The following PTOV1 variants were observed in gnomAD, a reference collection of about 807,000 sequenced individuals.
PTOV1 encodes prostate tumor-overexpressed gene 1 protein.
In PTOV1, 20 loss-of-function variants were observed where a neutral mutation model predicts 58.0. The ratio of observed to expected loss-of-function variants is 0.34; its 90% confidence interval spans 0.24 to 0.50. PTOV1 has a LOEUF of 0.50. PTOV1 is among the 20% of genes least tolerant of loss of function. PTOV1 has a pLI of 0.98. For synonymous variants in PTOV1, 335 were observed against 234.2 expected (o/e 1.43, Z -3.93); for missense variants, 593 against 565.4 (o/e 1.05, Z -0.50).
At chr19:49,856,254 C>A (rs147256337) in intron 5 of PTOV1, 2 of 152,166 alleles carry the variant, frequency 1.3e-5, no homozygotes, top group African/African-American at 4.8e-5. Context: ...CAGGCATGGC[C>A]CTGGGAGGCT....
At chr19:49,851,528 T>G in intron 1 of PTOV1, 29 bp downstream of exon 1, 3 of 1,086,932 alleles carry the variant, frequency 2.8e-6, no homozygotes, top group Admixed American at 4.8e-5. Context: ...TTCCAGAGCC[T>G]TCCACGGCCC....
chr19:49,851,761 C>G lies in PTOV1; in HGVS notation c.171+262C>G, dbSNP rs979778608. 1.2e-5 allele frequency: 13 copies of G among 1,086,586 alleles called. 1 individual carries two copies. In the East Asian group the frequency reaches 2.3e-4, roughly 19 times the overall value. 67.3% of individuals were successfully genotyped at this position (1,086,586 alleles called of 1,614,324 possible). A position where few individuals can be genotyped will look rare whatever the true frequency, so the allele number is the denominator to read the frequency against. ...TCATATTACTGCTGACTCCGCGGCC[C>G]GATTTAAACGCGGGCTGGGGGCGGC... On this transcript the variant is annotated intron_variant, in intron 1 of 11. Transcript: ENST00000391842.
intron 1 of PTOV1, among the ~76,000 whole-genome samples, chr19:49,853,797 C>T (rs1192350781): frequency 1.3e-5 from 2 of 152,326 alleles, no homozygotes; most frequent in South Asian, 2.1e-4. Flanking sequence ...CTGTCTTTCT[C>T]CTGGATGGTT....
intron 10 of PTOV1, 165 bp downstream of exon 10, chr19:49,858,818 C>T (rs1255488991): frequency 3.2e-6 from 2 of 618,138 alleles, no homozygotes; most frequent in African/African-American, 1.8e-5. Context: ...TGTGCTGTCC[C>T]CACGGCACTG....
chr19:49,852,871 T>C (rs1163474566), intron 1 of PTOV1: 1 of 152,182 alleles, frequency 6.6e-6, no homozygotes, highest in Non-Finnish European at 1.5e-5. Context: ...TACCCTCATC[T>C]CGAAAGTCAC....
At chr19:49,851,012 G>A (rs2074217482), upstream of PTOV1, 6 of 1,532,508 alleles carry the variant, frequency 3.9e-6, no homozygotes, top group Admixed American at 3.9e-5. Flanking sequence ...CGTCTTCCCA[G>A]GACTCCCCCG....
upstream of PTOV1, chr19:49,851,137 G>C: frequency 1.5e-6 from 2 of 1,323,190 alleles, no homozygotes; most frequent in Non-Finnish European, 1.9e-6. Flanking sequence ...CTTGGTACGC[G>C]CCGGGCTCCC....
At position 49,855,238 on chromosome 19, in the gene PTOV1, C is replaced by T. The variant is rs1366325227; in HGVS notation, c.558+161C>T. On this transcript the variant is annotated intron_variant, in intron 5 of 11. Transcript: ENST00000391842. ...ATCTGGAAATGACTGACTCCAGGCA[C>T]CCTCCGTAGAGCACAGGGTGAAGGA... The T allele has an allele frequency of 6.8e-5, 45 of 666,498 alleles. No homozygotes were observed. In the East Asian group the frequency reaches 1.2e-3, roughly 17 times the overall value. 41.3% of individuals were successfully genotyped at this position (666,498 alleles called of 1,614,324 possible). A position where few individuals can be genotyped will look rare whatever the true frequency, so the allele number is the denominator to read the frequency against.
At chr19:49,859,915 A>G in intron 10 of PTOV1, 71 bp from the exon 11 acceptor site, 1 of 1,536,248 alleles carries the variant, frequency 6.5e-7, no homozygotes, top group Admixed American at 1.7e-5. Flanking sequence ...AGCCCACGGC[A>G]TGATGCCGTG....
chr19:49,853,682 C>G (rs2074348323), intron 1 of PTOV1, among the ~76,000 whole-genome samples: 1 of 152,060 alleles, frequency 6.6e-6, no homozygotes, highest in African/African-American at 2.4e-5. Flanking sequence ...CGTTGCTTGG[C>G]TTTATTGCTA....
chr19:49,858,672 C>CGCAGGGGAGGG lies in PTOV1; in HGVS notation c.1041+22_1041+32dup. ...TGGCTTCGTGAGTGGTGCCAGCAGA[C>CGCAGGGGAGGG]GCAGGGGAGGGGCCGGCCAGGGCAG... On this transcript the variant is annotated intron_variant, in intron 10 of 11. Coordinates refer to ENST00000391842, the Ensembl canonical transcript of PTOV1. 6.4e-7 allele frequency: 1 copy of CGCAGGGGAGGG among 1,571,618 alleles called. No homozygotes were observed. The highest frequency in any genetic ancestry group is 1.2e-5 in the South Asian group (1 of 86,744).
At chr19:49,860,205 G>A (rs960993293) in intron 11 of PTOV1, 22 bp downstream of exon 11, 6 of 1,613,860 alleles carry the variant, frequency 3.7e-6, no homozygotes, top group Non-Finnish European at 5.1e-6. Flanking sequence ...GGCCTCCAGG[G>A]CTGCTCAGTC....
Position 49,854,894 on chromosome 19 carries a change from A to ACCCCCCCCCCCCCC in PTOV1, c.450+9_450+10insCCCCCCCCCCCCCC. ...TGATCCCTCAGCAGCTGCTGGTGAG[A>ACCCCCCCCCCCCCC]CCCGCCCCTCCCACCCCATCCACTC... is the stretch of plus-strand genomic sequence containing the variant. On this transcript the variant is annotated splice_region_variant and intron_variant, in intron 4 of 11. Coordinates refer to ENST00000391842, the Ensembl canonical transcript of PTOV1. 1.3e-6 allele frequency: 2 copies of ACCCCCCCCCCCCCC among 1,559,974 alleles called. No homozygotes were observed. Among genetic ancestry groups the ACCCCCCCCCCCCCC allele is most frequent in the Non-Finnish European group, 8.8e-7 (1 of 1,138,072 alleles).
chr19:49,857,680 T>A lies in PTOV1; in HGVS notation c.715-13T>A. On this transcript the variant is annotated splice_polypyrimidine_tract_variant and intron_variant, in intron 6 of 11. Coordinates refer to ENST00000391842, the Ensembl canonical transcript of PTOV1. ...GCCTGGGCCCCTCTTCCCACCCCGT[T>A]CCCTTCCAACAGGCAGTGGGACCTG... 6.2e-7 allele frequency: 1 copy of A among 1,612,946 alleles called. No individual in the cohort carries two copies. The highest frequency in any genetic ancestry group is 8.5e-7 in the Non-Finnish European group (1 of 1,179,312).
At chr19:49,857,230 T>A in intron 6 of PTOV1, 100 bp downstream of exon 6, 1 of 1,488,916 alleles carries the variant, frequency 6.7e-7, no homozygotes, top group South Asian at 1.2e-5. Flanking sequence ...TGTGATGCGA[T>A]GGCTGGAGCA....
At chr19:49,851,773 G>C in intron 1 of PTOV1, 2 of 1,076,114 alleles carry the variant, frequency 1.9e-6, no homozygotes, top group Non-Finnish European at 2.3e-6. Context: ...ATTTAAACGC[G>C]GGCTGGGGGC....
At position 49,853,962 on chromosome 19, in the gene PTOV1, G is replaced by C. The variant is rs141056153; in HGVS notation, c.172-444G>C. On this transcript the variant is annotated intron_variant, in intron 1 of 11. Coordinates refer to ENST00000391842, the Ensembl canonical transcript of PTOV1. ...GAGAGTTTCAGCCTGGGAAAGACAG[G>C]GCAAGCTGGTGTGTGGGACAGACAC... Among the ~76,000 whole-genome samples the C allele has an allele frequency of 2.0e-4, 30 of 152,358 alleles. No homozygotes were observed. The East Asian group carries it at 5.0e-3, about 25-fold the overall frequency.
intron 10 of PTOV1, among the ~76,000 whole-genome samples, chr19:49,859,689 C>T (rs977980061): frequency 6.6e-6 from 1 of 152,216 alleles, no homozygotes; most frequent in Non-Finnish European, 1.5e-5. Flanking sequence ...AAGCCATGGC[C>T]GGTTGGCTCA....
intron 6 of PTOV1, 185 bp from the exon 7 acceptor site, chr19:49,857,508 C>T (rs2074528014): frequency 3.1e-6 from 2 of 655,090 alleles, no homozygotes; most frequent in South Asian, 3.8e-5. Flanking sequence ...CTGTCTCAGG[C>T]CACTGGGGAG....
Sources: gnomAD v4.1 joint callset for allele counts (sites outside exome capture counted in the v4.1 genomes callset) on GRCh38, gnomAD v4.1.1 for gene constraint, MANE v1.5 for transcripts, NCBI Gene and HGNC (gene_info 2026-07-23, HGNC 2026-07-21) for gene names.